Variants in GUCA1C observed in about 807,000 individuals in gnomAD.
The protein encoded by GUCA1C is guanylyl cyclase-activating protein 3.
A neutral mutation model predicts 16.2 loss-of-function variants in GUCA1C; 15 were observed. That is an observed-to-expected ratio of 0.93 (90% CI 0.62 to 1.43). The LOEUF (loss-of-function observed/expected upper bound fraction) is 1.43. Among genes scored for constraint, GUCA1C ranks in the 40% most tolerant of loss-of-function variants. The pLI, the probability that GUCA1C is intolerant of heterozygous loss-of-function variation, is 0.00. For synonymous variants in GUCA1C, 78 were observed against 85.4 expected (o/e 0.91, Z 0.48); for missense variants, 275 against 244.8 (o/e 1.12, Z -0.82).
At chr3:108,938,664 G>T (rs375141418) in intron 1 of GUCA1C, among the ~76,000 whole-genome samples, 2 of 152,186 alleles carry the variant, frequency 1.3e-5, no homozygotes, top group Admixed American at 1.3e-4. Context: ...ATGAAACATG[G>T]AATTGCTGGA....
intron 1 of GUCA1C, among the ~76,000 whole-genome samples, chr3:108,922,167 AC>A (rs1379036342): frequency 1.5e-4 from 3 of 19,788 alleles, no homozygotes; most frequent in East Asian, 8.9e-4. Context: ...ACAAACACAC[AC>A]ACACACACAC....
chr3:108,943,306 T>G (rs761531303), intron 1 of GUCA1C, among the ~76,000 whole-genome samples: 19 of 151,952 alleles, frequency 1.3e-4, no homozygotes, highest in Non-Finnish European at 1.9e-4. Flanking sequence ...GTTTGGCAAT[T>G]GTAAGAGCAG....
At chr3:108,910,710 G>C (rs193269776) in intron 3 of GUCA1C, among the ~76,000 whole-genome samples, 35 of 151,202 alleles carry the variant, frequency 2.3e-4, no homozygotes, top group Non-Finnish European at 3.4e-4. Flanking sequence ...AGTGCAGTGG[G>C]GCTATCTCGG....
At chr3:108,932,176 G>A (rs758495881) in intron 1 of GUCA1C, among the ~76,000 whole-genome samples, 6 of 151,736 alleles carry the variant, frequency 4.0e-5, no homozygotes, top group Admixed American at 6.6e-5. Context: ...TCACGTTTCC[G>A]TAGTTGAACT....
intron 1 of GUCA1C, among the ~76,000 whole-genome samples, chr3:108,931,047 G>A (rs1320158326): frequency 6.6e-6 from 1 of 152,142 alleles, no homozygotes; most frequent in Non-Finnish European, 1.5e-5. Flanking sequence ...CTTTAGGGTT[G>A]ACCAATCAAT....
At chr3:108,909,782 A>C (rs1184056773) in intron 3 of GUCA1C, among the ~76,000 whole-genome samples, 1 of 152,114 alleles carries the variant, frequency 6.6e-6, no homozygotes, top group Non-Finnish European at 1.5e-5. Context: ...CTGCTTATTA[A>C]CTTTTTTCAT....
At chr3:108,952,031 G>A (rs1313329709) in intron 1 of GUCA1C, among the ~76,000 whole-genome samples, 4 of 152,178 alleles carry the variant, frequency 2.6e-5, no homozygotes, top group South Asian at 2.1e-4. Context: ...TGACATCAAC[G>A]CCTTTGGATA....
At chr3:108,927,850 A>G (rs1946636116) in intron 1 of GUCA1C, among the ~76,000 whole-genome samples, 1 of 152,196 alleles carries the variant, frequency 6.6e-6, no homozygotes, top group South Asian at 2.1e-4. Context: ...AGACTATAAC[A>G]GAGGGAAGAA....
intron 1 of GUCA1C, among the ~76,000 whole-genome samples, chr3:108,948,910 C>T (rs972984051): frequency 2.7e-5 from 4 of 150,926 alleles, no homozygotes; most frequent in Non-Finnish European, 5.9e-5. Flanking sequence ...TACAAGGGCA[C>T]GATCTCAACT....
chr3:108,926,627 C>T (rs1397743594), intron 1 of GUCA1C, among the ~76,000 whole-genome samples: 1 of 152,084 alleles, frequency 6.6e-6, no homozygotes. Flanking sequence ...ACTACAGGTG[C>T]ACGCCACCAC....
intron 1 of GUCA1C, among the ~76,000 whole-genome samples, chr3:108,950,679 C>T (rs1017627003): frequency 6.6e-6 from 1 of 152,142 alleles, no homozygotes; most frequent in Admixed American, 6.5e-5. Flanking sequence ...AAGCACTATC[C>T]TAATAGGCTT....
intron 1 of GUCA1C, among the ~76,000 whole-genome samples, chr3:108,927,289 AG>A (rs2107293382): frequency 6.6e-6 from 1 of 152,336 alleles, no homozygotes; most frequent in South Asian, 2.1e-4. Context: ...AGCAAGGCTG[AG>A]GAAGTTTTAC....
At chr3:108,930,573 C>T (rs1322436974) in intron 1 of GUCA1C, among the ~76,000 whole-genome samples, 1 of 152,176 alleles carries the variant, frequency 6.6e-6, no homozygotes, top group Non-Finnish European at 1.5e-5. Context: ...TTTACTTTTA[C>T]AGTCAGAAAG....
chr3:108,932,340 CAA>C (rs71106611), intron 1 of GUCA1C, among the ~76,000 whole-genome samples: 3,780 of 117,908 alleles, frequency 0.032, 78 homozygotes, highest in Middle Eastern at 0.16. Flanking sequence ...AAAAAAAAAA[CAA>C]AAAAAAAAAA....
At chr3:108,929,702 A>C (rs111514049) in intron 1 of GUCA1C, among the ~76,000 whole-genome samples, 410 of 152,290 alleles carry the variant, frequency 2.7e-3, no homozygotes, top group African/African-American at 9.3e-3. Flanking sequence ...AATCCTCACC[A>C]CTGAACTTCT....
intron 1 of GUCA1C, among the ~76,000 whole-genome samples, chr3:108,934,503 T>C (rs1946701425): frequency 6.6e-6 from 1 of 152,164 alleles, no homozygotes; most frequent in Admixed American, 6.6e-5. Context: ...CACCCAGCAA[T>C]CCCATTACTG....
intron 1 of GUCA1C, among the ~76,000 whole-genome samples, chr3:108,935,367 A>G (rs139215808): frequency 1.3e-5 from 2 of 152,026 alleles, no homozygotes; most frequent in African/African-American, 4.8e-5. Context: ...ATAAAAAATA[A>G]AAAATATAAG....
intron 1 of GUCA1C, among the ~76,000 whole-genome samples, chr3:108,925,542 CA>C (rs1470996594): frequency 5.3e-5 from 8 of 152,092 alleles, no homozygotes; most frequent in Non-Finnish European, 1.2e-4. Context: ...TGTGGCCTAC[CA>C]TATGGTCTAT....
At chr3:108,917,612 G>A (rs1309710309) in intron 2 of GUCA1C, among the ~76,000 whole-genome samples, 1 of 152,154 alleles carries the variant, frequency 6.6e-6, no homozygotes. Context: ...AAGCAGGAGA[G>A]TTCTCACTTG....
Sources: gnomAD v4.1 joint callset for allele counts (sites outside exome capture counted in the v4.1 genomes callset) on GRCh38, gnomAD v4.1.1 for gene constraint, MANE v1.5 for transcripts, NCBI Gene and HGNC (gene_info 2026-07-23, HGNC 2026-07-21) for gene names.